The following ENTPD3 variants were observed in gnomAD, a reference collection of about 807,000 sequenced individuals.
The protein encoded by ENTPD3 is CD39 antigen-like 3.
ENTPD3 carries 60 observed loss-of-function variants against 51.2 expected under a neutral mutation model. The ratio of observed to expected loss-of-function variants is 1.17; its 90% confidence interval spans 0.95 to 1.45. ENTPD3 has a LOEUF of 1.45. ENTPD3 is among the 40% of genes most tolerant of loss of function. The pLI is 0.00. For missense variants in ENTPD3, 593 were observed against 641.1 expected (o/e 0.93, Z 0.81); for synonymous variants, 221 against 238.4 (o/e 0.93, Z 0.67).
chr3:40,422,699 A>T lies in ENTPD3; in HGVS notation c.832-151A>T, dbSNP rs1955903066. ...AAAGGACATGAACTCATCATGTTTT[A>T]TGGCTTCATAGTATTCCATGGTGTA... On this transcript the variant is annotated intron_variant, in intron 7 of 10. Transcript: ENST00000301825. 8.1e-6 allele frequency: 5 copies of T among 615,032 alleles called. No homozygotes were observed. In the East Asian group the frequency reaches 1.4e-4, roughly 17 times the overall value. 38.1% of individuals were successfully genotyped at this position (615,032 alleles called of 1,614,324 possible).
At chr3:40,426,102 CT>C (rs1486237616) in intron 10 of ENTPD3, among the ~76,000 whole-genome samples, 17 of 115,688 alleles carry the variant, frequency 1.5e-4, no homozygotes, top group African/African-American at 4.5e-4. Flanking sequence ...TTTTCTTTTT[CT>C]TTTCTTTTTT....
At chr3:40,422,264 A>G (rs199526114) in intron 7 of ENTPD3, among the ~76,000 whole-genome samples, 1 of 53,582 alleles carries the variant, frequency 1.9e-5, no homozygotes, top group Non-Finnish European at 3.1e-5. Context: ...GGGTAGTGAT[A>G]GAATTTGCAA....
In ENTPD3 at chr3:40,414,776, C is replaced by A. The variant is rs1955705557; in HGVS notation, c.533C>A (p.Ser178Tyr). The A allele has an allele frequency of 6.2e-7, 1 of 1,613,878 alleles. No homozygotes were observed. The highest frequency in any genetic ancestry group is 1.7e-5 in the Admixed American group (1 of 59,988). ...PFDFRGAQIISGQEEGVYGWI... is the reference protein window; with the variant it reads ...PFDFRGAQIIYGQEEGVYGWI... ...GACTTTAGGGGTGCTCAAATCATTTCTGGGCAAGAAGAAGGGGTATATGGA... is the reference window on the plus strand; with the variant it reads ...GACTTTAGGGGTGCTCAAATCATTTATGGGCAAGAAGAAGGGGTATATGGA... The change falls in exon 6 of 11, where the codon TCT (serine) becomes TAT (tyrosine). Residue 178 changes from serine (S) to tyrosine (Y), a missense_variant. Ser to Tyr is a moderately radical substitution (Grantham distance 144, BLOSUM62 -2). Transcript: ENST00000301825.
At chr3:40,419,724 T>A (rs1259036456) in intron 7 of ENTPD3, among the ~76,000 whole-genome samples, 1 of 152,252 alleles carries the variant, frequency 6.6e-6, no homozygotes, top group Non-Finnish European at 1.5e-5. Flanking sequence ...ACCTCTGTTG[T>A]TAAATGTATT....
chr3:40,423,247 C>T lies in ENTPD3; in HGVS notation c.1105-44C>T, dbSNP rs746969761. 8 of 1,571,964 alleles carry T rather than the reference C, an allele frequency of 5.1e-6. No homozygotes were observed. In the Admixed American group the frequency reaches 8.5e-5, roughly 17 times the overall value. ...CTCACCCATAAACCTTTCTATTATA[C>T]CCCATTCTGAGAACTAATTTTCTTC... On this transcript the variant is annotated intron_variant, in intron 8 of 10. Coordinates refer to ENST00000301825, the MANE Select transcript of ENTPD3 (RefSeq NM_001248.4).
At position 40,423,066 on chromosome 3, in the gene ENTPD3, C is replaced by G. The variant is rs377105451; in HGVS notation, c.1048C>G (p.Gln350Glu). The change falls in exon 8 of 11, where the codon CAA becomes GAA. Residue 350 changes from glutamine to glutamate, a missense_variant. Gln to Glu is a conservative substitution (Grantham distance 29). Transcript: ENST00000301825. ...ATTTGACTTCAAAGCTTGCCATGATCAAGAAACCTGTTCTTTTGATGGGGT... is the reference window on the plus strand; with the variant it reads ...ATTTGACTTCAAAGCTTGCCATGATGAAGAAACCTGTTCTTTTGATGGGGT... Reference protein sequence around the residue: ...SIFDFKACHDQETCSFDGVYQ... With the variant: ...SIFDFKACHDEETCSFDGVYQ... 4 of 1,613,956 alleles carry G rather than the reference C, an allele frequency of 2.5e-6. No homozygotes were observed. The highest frequency in any genetic ancestry group is 1.6e-4 in the Middle Eastern group (1 of 6,084).
chr3:40,418,421 G>A (rs1417867448), intron 7 of ENTPD3, among the ~76,000 whole-genome samples: 1 of 152,158 alleles, frequency 6.6e-6, no homozygotes, highest in East Asian at 1.9e-4. Context: ...TCTGGATCTT[G>A]TTTCCTCATC....
rs1955906688 is a variant in ENTPD3, at chr3:40,422,856, C to G, written c.838C>G (p.Pro280Ala). The G allele has an allele frequency of 6.2e-7, 1 of 1,610,888 alleles. No individual in the cohort carries two copies. The highest frequency in any genetic ancestry group is 1.7e-5 in the Admixed American group (1 of 59,870). Residue 280 changes from proline to alanine, a missense_variant, in exon 8 of 11, where the codon CCT (proline) becomes GCT (alanine). By Grantham distance (27) the Pro-to-Ala change is conservative. Coordinates refer to ENST00000301825, the MANE Select transcript of ENTPD3 (RefSeq NM_001248.4). ...CTTACTCTTATACCTACAGAATTCT[C>G]CTACCAAAAACCATCTCACCAATCC... ...KFLAMLLQNS[P>A]TKNHLTNPCY...
At chr3:40,403,923 A>C (rs1170538108) in intron 4 of ENTPD3, among the ~76,000 whole-genome samples, 4 of 152,148 alleles carry the variant, frequency 2.6e-5, no homozygotes, top group African/African-American at 9.7e-5. Flanking sequence ...TGCTGAGATT[A>C]CAGGTGTGAG....
rs998376231 is a variant in ENTPD3 at position 40,428,451 on chromosome 3, A to C, written c.*943A>C. On this transcript the variant is annotated 3_prime_UTR_variant, in exon 11 of 11. Transcript: ENST00000301825. ...TCATAGACCTCTCTGCATAGTAGTCATAGGTCTTGACTTTGGGGAAAGAAA... is the reference window on the plus strand; with the variant it reads ...TCATAGACCTCTCTGCATAGTAGTCCTAGGTCTTGACTTTGGGGAAAGAAA... 1.3e-5 allele frequency: 2 copies of C among 152,206 alleles called. No individual in the cohort carries two copies. Among genetic ancestry groups the C allele is most frequent in the Non-Finnish European group, 1.5e-5 (1 of 68,052 alleles). 9.4% of individuals were successfully genotyped at this position (152,206 alleles called of 1,614,324 possible).
At chr3:40,395,843 A>G (rs2125590142) in intron 3 of ENTPD3, among the ~76,000 whole-genome samples, 1 of 152,334 alleles carries the variant, frequency 6.6e-6, no homozygotes, top group Middle Eastern at 3.4e-3. Context: ...GGATGTGGGC[A>G]GAGAATTGTC....
intron 10 of ENTPD3, among the ~76,000 whole-genome samples, chr3:40,424,343 A>C (rs147020073): frequency 3.3e-5 from 5 of 152,348 alleles, no homozygotes; most frequent in East Asian, 1.9e-4. Context: ...TCCTGAAAAG[A>C]AGCTTTAAAT....
At chr3:40,409,248 C>T (rs554875151) in intron 4 of ENTPD3, among the ~76,000 whole-genome samples, 10 of 151,590 alleles carry the variant, frequency 6.6e-5, no homozygotes, top group African/African-American at 2.2e-4. Context: ...GCAAAAACTC[C>T]GTCTAAAAAA....
chr3:40,393,956 G>A (rs1278301600), intron 3 of ENTPD3, among the ~76,000 whole-genome samples: 3 of 149,048 alleles, frequency 2.0e-5, no homozygotes, highest in Non-Finnish European at 4.4e-5. Flanking sequence ...GCTGAGGCAG[G>A]AGAATGGCGT....
intron 7 of ENTPD3, among the ~76,000 whole-genome samples, chr3:40,422,074 AAG>A (rs2125610653): frequency 6.6e-6 from 1 of 152,232 alleles, no homozygotes; most frequent in East Asian, 1.9e-4. Context: ...GGGCTATCAT[AAG>A]AGCTGGATCA....
At chr3:40,421,142 GC>G (rs1955864215) in intron 7 of ENTPD3, among the ~76,000 whole-genome samples, 2 of 151,308 alleles carry the variant, frequency 1.3e-5, no homozygotes, top group African/African-American at 4.9e-5. Context: ...TCCTGCCTCA[GC>G]CTCCTGAGTA....
chr3:40,411,538 TTCTC>T (rs1327883540), intron 4 of ENTPD3, among the ~76,000 whole-genome samples: 10 of 152,110 alleles, frequency 6.6e-5, no homozygotes, highest in Non-Finnish European at 1.3e-4. Flanking sequence ...CAATATACTA[TTCTC>T]TCTACTTTTA....
intron 4 of ENTPD3, among the ~76,000 whole-genome samples, chr3:40,406,533 A>G (rs1385322261): frequency 6.6e-6 from 1 of 152,242 alleles, no homozygotes; most frequent in Non-Finnish European, 1.5e-5. Context: ...TCAGGGGCTA[A>G]GATTGGAAGC....
At chr3:40,407,925 G>A (rs1480748352) in intron 4 of ENTPD3, among the ~76,000 whole-genome samples, 6 of 152,196 alleles carry the variant, frequency 3.9e-5, no homozygotes, top group Admixed American at 3.9e-4. Flanking sequence ...CACCTAGGAA[G>A]TGCTCTTGCC....
Sources: allele counts gnomAD v4.1 joint callset (sites outside exome capture counted in the v4.1 genomes callset), GRCh38; gene constraint gnomAD v4.1.1; transcripts MANE v1.5; gene names NCBI Gene and HGNC (gene_info 2026-07-23, HGNC 2026-07-21).